The following MYBL2 variants were observed in gnomAD, a reference collection of about 807,000 sequenced individuals.
MYBL2 encodes MYB proto-oncogene like 2, also known as myb-related protein B.
MYBL2 carries 28 observed loss-of-function variants against 79.9 expected under a neutral mutation model. The observed-to-expected ratio is 0.35, with a 90% CI of 0.26 to 0.48. The LOEUF is 0.48. Ranked by LOEUF, MYBL2 falls within the 20% of genes least tolerant of loss-of-function variation. The probability of loss-of-function intolerance (pLI) is 0.99; values close to 1 mark genes in which losing one functional copy is unlikely to be tolerated. For synonymous variants in MYBL2, 378 were observed against 361.2 expected, an observed-to-expected ratio of 1.05 and a Z score of -0.53; for missense variants, 735 against 893.9, an observed-to-expected ratio of 0.82 and a Z score of 2.27.
At chr20:43,691,535 A>G (rs1393030147) in intron 5 of MYBL2, among the ~76,000 whole-genome samples, 1 of 116,360 alleles carries the variant, frequency 8.6e-6, no homozygotes, top group Non-Finnish European at 1.8e-5. Flanking sequence ...TCCTGGTCTT[A>G]TATATACATT....
At chr20:43,668,058 G>T (rs1205227452) in intron 1 of MYBL2, among the ~76,000 whole-genome samples, 2 of 152,080 alleles carry the variant, frequency 1.3e-5, no homozygotes, top group African/African-American at 4.8e-5. Context: ...CAGGTCTGTG[G>T]CTCCAGATCC....
chr20:43,670,678 G>A (rs941580254), intron 1 of MYBL2, among the ~76,000 whole-genome samples: 1 of 152,176 alleles, frequency 6.6e-6, no homozygotes, highest in Non-Finnish European at 1.5e-5. Context: ...GGTTTCCCAT[G>A]TGCTATGGAA....
chr20:43,706,898 T>G (rs559176269), intron 9 of MYBL2, among the ~76,000 whole-genome samples: 1 of 151,280 alleles, frequency 6.6e-6, no homozygotes, highest in East Asian at 1.9e-4. Context: ...GTATTTTTAG[T>G]AGAAACGAGG....
intron 6 of MYBL2, among the ~76,000 whole-genome samples, chr20:43,697,261 A>T (rs1319196782): frequency 6.6e-6 from 1 of 152,130 alleles, no homozygotes; most frequent in African/African-American, 2.4e-5. Context: ...TGATTGAATT[A>T]CTTTGGAGTT....
chr20:43,713,667 G>A (rs962424277), intron 12 of MYBL2, among the ~76,000 whole-genome samples: 3 of 152,200 alleles, frequency 2.0e-5, no homozygotes, highest in Non-Finnish European at 2.9e-5. Context: ...GATTACAGGC[G>A]TGAGTCACCG....
rs1233176593 is a variant in MYBL2, at chr20:43,675,913, T to TTTG, written c.114+2016_114+2017insGTT. On this transcript the variant is annotated intron_variant, in intron 2 of 13. Coordinates refer to ENST00000217026, the MANE Select transcript of MYBL2 (RefSeq NM_002466.4). ...ATAAGCGTGGTACCCAATAGGTAGT[T>TTTG]TTTTTTTTTTTAAGGCAGTCTCTCT... Among the ~76,000 whole-genome samples the TTTG allele has an allele frequency of 1.6e-3, 242 of 150,404 alleles. 1 individual carries two copies. The highest frequency in any genetic ancestry group is 5.2e-3 in the African/African-American group (214 of 40,950).
At chr20:43,667,355 C>A (rs1986741624) in intron 1 of MYBL2, 52 bp downstream of exon 1, 2 of 1,180,560 alleles carry the variant, frequency 1.7e-6, no homozygotes, top group Admixed American at 4.3e-5. Context: ...TAACTCACCC[C>A]TCCCCCACCC....
At chr20:43,681,198 G>C (rs556813609) in intron 2 of MYBL2, among the ~76,000 whole-genome samples, 1 of 152,128 alleles carries the variant, frequency 6.6e-6, no homozygotes, top group Non-Finnish European at 1.5e-5. Context: ...CCAGCTTCTA[G>C]TGCTGAATCA....
chr20:43,711,741 C>A (rs545404024), intron 11 of MYBL2, 140 bp downstream of exon 11: 18 of 702,042 alleles, frequency 2.6e-5, no homozygotes, highest in Non-Finnish European at 4.3e-5. Context: ...CCCTTTCGCA[C>A]GGTGGTTGTT....
chr20:43,705,107 A>G, intron 8 of MYBL2, 112 bp from the exon 9 acceptor site: 1 of 1,388,354 alleles, frequency 7.2e-7, no homozygotes, highest in Non-Finnish European at 9.9e-7. Context: ...TCAGTATCAG[A>G]GCAGACGTTT....
In MYBL2 at chr20:43,711,474, G is replaced by A. The variant is rs111448344; in HGVS notation, c.1606-14G>A. The A allele has an allele frequency of 3.1e-3, 4,980 of 1,605,758 alleles. 137 individuals are homozygous for A. The African/African-American group carries it at 0.056, about 18-fold the overall frequency. ...TGTGGTGCCTCACGTGGGCTGCCCCGTGCCTACCCACAGCCACAGACCCCG... is the reference window on the plus strand; with the variant it reads ...TGTGGTGCCTCACGTGGGCTGCCCCATGCCTACCCACAGCCACAGACCCCG... On this transcript the variant is annotated splice_polypyrimidine_tract_variant and intron_variant, in intron 10 of 13. Coordinates refer to ENST00000217026, the MANE Select transcript of MYBL2 (RefSeq NM_002466.4).
chr20:43,686,172 A>C (rs922454141), intron 4 of MYBL2, among the ~76,000 whole-genome samples: 1 of 152,220 alleles, frequency 6.6e-6, no homozygotes, highest in Non-Finnish European at 1.5e-5. Flanking sequence ...AATCTTTGCC[A>C]AAAGAAGCAT....
intron 5 of MYBL2, among the ~76,000 whole-genome samples, chr20:43,688,400 C>T (rs905343378): frequency 6.6e-6 from 1 of 152,096 alleles, no homozygotes; most frequent in Non-Finnish European, 1.5e-5. Flanking sequence ...TGGAATTTCA[C>T]CATGTTGGCC....
intron 1 of MYBL2, among the ~76,000 whole-genome samples, chr20:43,672,053 CA>C (rs1270491790): frequency 6.7e-6 from 1 of 149,828 alleles, no homozygotes; most frequent in Non-Finnish European, 1.5e-5. Context: ...GCTAAAAATA[CA>C]AAAAAAATTA....
chr20:43,671,316 C>T (rs962472834), intron 1 of MYBL2, among the ~76,000 whole-genome samples: 1 of 151,762 alleles, frequency 6.6e-6, no homozygotes, highest in African/African-American at 2.4e-5. Context: ...CCACCACACC[C>T]AGCTAATTTT....
intron 11 of MYBL2, among the ~76,000 whole-genome samples, chr20:43,712,455 C>G (rs1381418879): frequency 1.3e-5 from 2 of 152,108 alleles, no homozygotes; most frequent in African/African-American, 4.8e-5. Flanking sequence ...CATGGCAGCC[C>G]CTGCTGAGTG....
At position 43,710,378 on chromosome 20, in the gene MYBL2, A is replaced by T. The variant is rs562002223; in HGVS notation, c.1605+316A>T. ...ATAACTTAAACACTTTCAGGCAAAG[A>T]TAAGCACTGGGCCTAGTTCAGAGAA... On this transcript the variant is annotated intron_variant, in intron 10 of 13. Coordinates refer to ENST00000217026, the MANE Select transcript of MYBL2 (RefSeq NM_002466.4). Among the ~76,000 whole-genome samples the T allele has an allele frequency of 1.3e-3, 191 of 152,308 alleles. 1 individual carries two copies. The highest frequency in any genetic ancestry group is 1.5e-3 in the Non-Finnish European group (103 of 68,034).
intron 4 of MYBL2, 60 bp from the exon 5 acceptor site, chr20:43,686,792 G>T: frequency 6.5e-7 from 1 of 1,528,672 alleles, no homozygotes; most frequent in Non-Finnish European, 9.0e-7. Flanking sequence ...GATGTGAAGG[G>T]CTATGGTGGG....
At chr20:43,713,456 C>G (rs1457789145) in intron 12 of MYBL2, among the ~76,000 whole-genome samples, 4 of 150,334 alleles carry the variant, frequency 2.7e-5, no homozygotes, top group Non-Finnish European at 5.9e-5. Context: ...GGTGCCATCT[C>G]GGCTCACTGC....
Sources: allele counts gnomAD v4.1 joint callset (sites outside exome capture counted in the v4.1 genomes callset), GRCh38; gene constraint gnomAD v4.1.1; transcripts MANE v1.5; gene names NCBI Gene and HGNC (gene_info 2026-07-23, HGNC 2026-07-21).